MMP26: variants seen among roughly 807,000 people sequenced by gnomAD.
MMP26 encodes the protein matrix metalloproteinase-26.
A neutral mutation model predicts 31.0 loss-of-function variants in MMP26; 33 were observed. The observed-to-expected ratio is 1.06, with a 90% confidence interval of 0.81 to 1.42. The LOEUF (loss-of-function observed/expected upper bound fraction) is 1.42. Ranked by LOEUF, MMP26 falls within the 40% of genes most tolerant of loss-of-function variation. The pLI, the probability that MMP26 is intolerant of heterozygous loss-of-function variation, is 0.00. For synonymous variants in MMP26, 122 were observed against 114.9 expected (o/e 1.06, Z -0.40); for missense variants, 347 against 316.1 (o/e 1.10, Z -0.74).
chr11:4,816,254 C>G (rs7926041), intron 2 of MMP26, among the ~76,000 whole-genome samples: 2,389 of 152,224 alleles, frequency 0.016, 58 homozygotes, highest in African/African-American at 0.046. Flanking sequence ...TTGATCTTCT[C>G]AAATTAGTTA....
chr11:4,884,750 C>A lies in MMP26; in HGVS notation c.-144-103318C>A, dbSNP rs78479153. 1.4e-3 allele frequency among the ~76,000 whole-genome samples: 211 copies of A among 152,204 alleles called. 1 individual carries two copies. Among genetic ancestry groups the A allele is most frequent in the Non-Finnish European group, 2.4e-3 (163 of 67,986 alleles). On this transcript the variant is annotated intron_variant, in intron 2 of 7. Coordinates refer to ENST00000380390, the MANE Select transcript of MMP26 (RefSeq NM_021801.5). ...TTGCAATGGAGAAGTTTCCAAATATCTGGAAAAACAGTATTTTTTTTCTTT... is the reference window on the plus strand; with the variant it reads ...TTGCAATGGAGAAGTTTCCAAATATATGGAAAAACAGTATTTTTTTTCTTT...
intron 1 of MMP26, among the ~76,000 whole-genome samples, chr11:4,721,712 A>G (rs1848015723): frequency 6.6e-6 from 1 of 152,124 alleles, no homozygotes; most frequent in African/African-American, 2.4e-5. Flanking sequence ...TCTAGTGTCT[A>G]TTATTTTGTG....
intron 2 of MMP26, among the ~76,000 whole-genome samples, chr11:4,872,361 T>A (rs1850321876): frequency 1.3e-5 from 2 of 152,136 alleles, no homozygotes; most frequent in African/African-American, 4.8e-5. Context: ...CATTACTTTT[T>A]CATTTCCTTC....
chr11:4,742,626 T>C (rs977957507), intron 1 of MMP26, among the ~76,000 whole-genome samples: 8 of 152,174 alleles, frequency 5.3e-5, no homozygotes, highest in South Asian at 2.1e-4. Context: ...TGAAATTCAG[T>C]TGGTTCTCTT....
intron 2 of MMP26, among the ~76,000 whole-genome samples, chr11:4,836,651 C>CTTT (rs71480270): frequency 3.4e-4 from 33 of 95,980 alleles, no homozygotes; most frequent in Non-Finnish European, 4.5e-4. Context: ...TCAAAGACAT[C>CTTT]TTTTTTTTTT....
chr11:4,752,302 G>A (rs1848455974), intron 1 of MMP26: 2 of 152,240 alleles, frequency 1.3e-5, no homozygotes, highest in Non-Finnish European at 2.9e-5. Context: ...GCAATGCTGA[G>A]ACCTGAGCGA....
At chr11:4,936,396 T>TTG (rs1846112871) in intron 2 of MMP26, among the ~76,000 whole-genome samples, 1 of 152,132 alleles carries the variant, frequency 6.6e-6, no homozygotes, top group Non-Finnish European at 1.5e-5. Flanking sequence ...TGATGGTAGT[T>TTG]TGTATTTCTG....
chr11:4,841,491 C>T (rs1414297150), intron 2 of MMP26, among the ~76,000 whole-genome samples: 2 of 152,140 alleles, frequency 1.3e-5, no homozygotes, highest in Non-Finnish European at 2.9e-5. Flanking sequence ...GAGAGAGTAA[C>T]ATAAGATAAT....
chr11:4,727,610 G>A (rs148866381), intron 1 of MMP26, among the ~76,000 whole-genome samples: 81 of 152,196 alleles, frequency 5.3e-4, no homozygotes, highest in African/African-American at 1.8e-3. Context: ...AGGAGTTCGA[G>A]ACCAGCCTGG....
chr11:4,908,722 A>G (rs1255854335), intron 2 of MMP26: 1 of 174,702 alleles, frequency 5.7e-6, no homozygotes, highest in Non-Finnish European at 1.2e-5. Context: ...ATTACAATAG[A>G]AAGTGAAATT....
chr11:4,792,953 T>A lies in MMP26; in HGVS notation c.-145+25612T>A, dbSNP rs547194344. On this transcript the variant is annotated intron_variant, in intron 2 of 7. Transcript: ENST00000380390. Reference sequence around the variant, plus strand: ...TATAAAATGAGCATATTCTCTTACGTTTGTATCAGTAAAAACAAGCAACTA... The same window carrying A: ...TATAAAATGAGCATATTCTCTTACGATTGTATCAGTAAAAACAAGCAACTA... 1.4e-3 allele frequency among the ~76,000 whole-genome samples: 216 copies of A among 152,296 alleles called. 1 individual carries two copies. Among genetic ancestry groups the A allele is most frequent in the Non-Finnish European group, 2.3e-3 (155 of 68,018 alleles).
At chr11:4,912,389 C>T (rs1255560964) in intron 2 of MMP26, among the ~76,000 whole-genome samples, 5 of 152,180 alleles carry the variant, frequency 3.3e-5, no homozygotes, top group Admixed American at 3.3e-4. Flanking sequence ...GAGAACATAA[C>T]TCCTTTATGG....
intron 2 of MMP26, among the ~76,000 whole-genome samples, chr11:4,775,997 G>A (rs1363300467): frequency 6.6e-6 from 1 of 151,940 alleles, no homozygotes; most frequent in African/African-American, 2.4e-5. Flanking sequence ...CACAGTCCAC[G>A]TCCATGTGTA....
At chr11:4,733,737 G>C (rs1037216016) in intron 1 of MMP26, among the ~76,000 whole-genome samples, 2 of 152,230 alleles carry the variant, frequency 1.3e-5, no homozygotes, top group South Asian at 2.1e-4. Flanking sequence ...GATGAGAGTG[G>C]ACATCCTTGT....
chr11:4,720,641 G>A (rs1393417686), intron 1 of MMP26, among the ~76,000 whole-genome samples: 1 of 152,168 alleles, frequency 6.6e-6, no homozygotes, highest in African/African-American at 2.4e-5. Flanking sequence ...AAGAGTTTGG[G>A]CTTATTAAAA....
chr11:4,826,873 G>C (rs1023551310), intron 2 of MMP26, among the ~76,000 whole-genome samples: 1 of 152,082 alleles, frequency 6.6e-6, no homozygotes, highest in Non-Finnish European at 1.5e-5. Flanking sequence ...TACGTCTCGG[G>C]ATACTCAACC....
At chr11:4,988,484 A>G (rs1271404326) in intron 3 of MMP26, among the ~76,000 whole-genome samples, 174 bp downstream of exon 3, 1 of 152,154 alleles carries the variant, frequency 6.6e-6, no homozygotes, top group Non-Finnish European at 1.5e-5. Context: ...TTTTAAGAAA[A>G]AAATTAATTT....
chr11:4,923,663 G>C, intron 2 of MMP26: 1 of 1,614,014 alleles, frequency 6.2e-7, no homozygotes, highest in Non-Finnish European at 8.5e-7. Flanking sequence ...GCTGAGCACG[G>C]TGCGAAGGAT....
intron 2 of MMP26, among the ~76,000 whole-genome samples, chr11:4,984,518 GA>G (rs370538315): frequency 3.5e-4 from 54 of 152,264 alleles, no homozygotes; most frequent in African/African-American, 1.2e-3. Context: ...CCAGCTATGA[GA>G]TTTTTTTTAC....
Sources: allele counts gnomAD v4.1 joint callset (sites outside exome capture counted in the v4.1 genomes callset), GRCh38; gene constraint gnomAD v4.1.1; transcripts MANE v1.5; gene names NCBI Gene and HGNC (gene_info 2026-07-23, HGNC 2026-07-21).